The following DAB1 variants were observed in gnomAD, a reference collection of about 807,000 sequenced individuals.
The protein encoded by DAB1 is disabled homolog 1.
Under a neutral mutation model 64.6 loss-of-function variants are expected in DAB1, and 15 were observed. That is an observed-to-expected ratio of 0.23 (90% CI 0.16 to 0.36). The LOEUF (loss-of-function observed/expected upper bound fraction) is 0.36, where lower values mean the gene tolerates loss of function less well. Among genes scored for constraint, DAB1 ranks in the 10% least tolerant of loss-of-function variants. The pLI is 1.00. For missense variants in DAB1, 596 were observed against 706.7 expected, an observed-to-expected ratio of 0.84 and a Z score of 1.78; for synonymous variants, 235 against 251.9, an observed-to-expected ratio of 0.93 and a Z score of 0.64.
intron 5 of DAB1, among the ~76,000 whole-genome samples, chr1:57,942,809 A>G (rs1645124376): frequency 6.6e-6 from 1 of 152,164 alleles, no homozygotes; most frequent in Non-Finnish European, 1.5e-5. Flanking sequence ...CACTCTGGTT[A>G]GGAGACAATG....
At chr1:57,320,246 C>G (rs1468467913) in intron 1 of DAB1, among the ~76,000 whole-genome samples, 1 of 152,124 alleles carries the variant, frequency 6.6e-6, no homozygotes, top group African/African-American at 2.4e-5. Flanking sequence ...TAAGAAGTTT[C>G]CTGAGACCTC....
intron 1 of DAB1, among the ~76,000 whole-genome samples, chr1:57,366,085 C>A (rs1323890961): frequency 6.6e-6 from 1 of 152,162 alleles, no homozygotes; most frequent in Admixed American, 6.5e-5. Flanking sequence ...GTGTCCTGCT[C>A]TTTGCAGGAC....
At chr1:57,506,220 C>CA (rs777025965) in intron 7 of DAB1, among the ~76,000 whole-genome samples, 96 of 151,388 alleles carry the variant, frequency 6.3e-4, no homozygotes, top group Non-Finnish European at 1.1e-3. Context: ...GAAAGGGGAA[C>CA]TTTTTTTTTA....
intron 11 of DAB1, among the ~76,000 whole-genome samples, chr1:57,019,987 C>A (rs1453682522): frequency 1.3e-5 from 2 of 152,228 alleles, no homozygotes; most frequent in African/African-American, 2.4e-5. Context: ...TTATACAGAA[C>A]TTGTATGACA....
At chr1:57,563,829 G>GGCCT (rs1273151471) in intron 7 of DAB1, among the ~76,000 whole-genome samples, 2 of 152,174 alleles carry the variant, frequency 1.3e-5, no homozygotes, top group Non-Finnish European at 2.9e-5. Flanking sequence ...AGCTCAAGAT[G>GGCCT]GCCTGCCTGC....
At chr1:58,487,202 AT>A (rs767191604) in intron 3 of DAB1, among the ~76,000 whole-genome samples, 3 of 152,206 alleles carry the variant, frequency 2.0e-5, no homozygotes, top group Non-Finnish European at 2.9e-5. Flanking sequence ...AAGCCCACAG[AT>A]TCTTAATGTA....
chr1:57,936,329 T>C (rs1288843144), intron 5 of DAB1, among the ~76,000 whole-genome samples: 2 of 152,240 alleles, frequency 1.3e-5, no homozygotes, highest in East Asian at 3.8e-4. Context: ...CCATCAGTTG[T>C]TGCCTGATGG....
chr1:57,166,934 A>G (rs1296533271), intron 2 of DAB1, among the ~76,000 whole-genome samples: 1 of 152,186 alleles, frequency 6.6e-6, no homozygotes, highest in Non-Finnish European at 1.5e-5. Flanking sequence ...TAGTCTCTCC[A>G]CCATGCTCCA....
chr1:57,172,153 A>G (rs1661833518), intron 2 of DAB1, among the ~76,000 whole-genome samples: 1 of 152,140 alleles, frequency 6.6e-6, no homozygotes, highest in Non-Finnish European at 1.5e-5. Flanking sequence ...TGTGTGTCCA[A>G]ATTTCACCTA....
intron 4 of DAB1, among the ~76,000 whole-genome samples, chr1:58,331,869 A>G (rs914032731): frequency 1.3e-5 from 2 of 152,226 alleles, no homozygotes; most frequent in African/African-American, 4.8e-5. Flanking sequence ...GAACTCCAAC[A>G]TCTCCAAGGT....
chr1:58,321,934 C>A lies in DAB1; in HGVS notation n.309+21418G>T, dbSNP rs866817843. Among the ~76,000 whole-genome samples the A allele has an allele frequency of 3.2e-4, 48 of 152,344 alleles. 1 individual carries two copies. The highest frequency in any genetic ancestry group is 2.2e-3 in the Admixed American group (33 of 15,298). ...TGGTTCTCCCAGCATGGTGTTTGAG[C>A]TCTGAGAATGGACAGACTGCCTCCT... On this transcript the variant is annotated intron_variant and non_coding_transcript_variant, in intron 4 of 20. Transcript: ENST00000485760.
chr1:57,505,054 A>G (rs1053458467), intron 7 of DAB1, among the ~76,000 whole-genome samples: 1 of 152,182 alleles, frequency 6.6e-6, no homozygotes, highest in Admixed American at 6.5e-5. Flanking sequence ...GGTAAAAACC[A>G]AGGAAATCTG....
At chr1:57,761,245 T>G (rs1356625924) in intron 6 of DAB1, among the ~76,000 whole-genome samples, 1 of 152,218 alleles carries the variant, frequency 6.6e-6, no homozygotes, top group Non-Finnish European at 1.5e-5. Context: ...TGATTTCCTA[T>G]TTTAACAAGG....
rs138535857 is a variant in DAB1, at chr1:57,548,828, CTAACAT to C, written n.625+100758_625+100763del. Among the ~76,000 whole-genome samples, 854 of 152,268 alleles carry C rather than the reference CTAACAT, an allele frequency of 5.6e-3. 8 individuals are homozygous for C. Among genetic ancestry groups the C allele is most frequent in the African/African-American group, 0.019 (792 of 41,546 alleles). ...CATTTTCTCTTCACAGCCACAGTAACTAACATTAACAGACATCTTTACTATGTGCTG... is the reference window on the plus strand; with the variant it reads ...CATTTTCTCTTCACAGCCACAGTAACTAACAGACATCTTTACTATGTGCTG... On this transcript the variant is annotated intron_variant and non_coding_transcript_variant, in intron 7 of 20. Coordinates refer to the DAB1 transcript ENST00000485760.
At chr1:57,973,370 T>C (rs141375875) in intron 5 of DAB1, among the ~76,000 whole-genome samples, 4 of 152,310 alleles carry the variant, frequency 2.6e-5, no homozygotes, top group African/African-American at 7.2e-5. Context: ...TTGATACTTC[T>C]AGCCTCCAGA....
At chr1:57,040,539 T>C (rs886185764) in intron 9 of DAB1, among the ~76,000 whole-genome samples, 6 of 152,224 alleles carry the variant, frequency 3.9e-5, no homozygotes, top group African/African-American at 1.4e-4. Context: ...CAATGCCCTC[T>C]TCCCTTGCCT....
intron 5 of DAB1, among the ~76,000 whole-genome samples, chr1:58,057,573 C>T (rs555806696): frequency 6.6e-6 from 1 of 152,264 alleles, no homozygotes; most frequent in East Asian, 1.9e-4. Context: ...TGGAGCACTA[C>T]AGCTGCAAGC....
intron 6 of DAB1, among the ~76,000 whole-genome samples, chr1:57,651,718 C>A (rs760687661): frequency 3.3e-5 from 5 of 152,234 alleles, no homozygotes; most frequent in Non-Finnish European, 1.5e-5. Context: ...AAGTTCATGT[C>A]TTTTTACATA....
At chr1:58,220,870 TATACAC>T (rs1557701355) in intron 4 of DAB1, among the ~76,000 whole-genome samples, 1 of 47,802 alleles carries the variant, frequency 2.1e-5, no homozygotes, top group African/African-American at 4.3e-5. Flanking sequence ...TATATACATA[TATACAC>T]ACACACACAC....
Sources: gnomAD v4.1 joint callset for allele counts (sites outside exome capture counted in the v4.1 genomes callset) on GRCh38, gnomAD v4.1.1 for gene constraint, MANE v1.5 for transcripts, NCBI Gene and HGNC (gene_info 2026-07-23, HGNC 2026-07-21) for gene names.